The following MSI2 variants were observed in gnomAD, a reference collection of about 807,000 sequenced individuals.
MSI2 encodes the protein RNA-binding protein Musashi homolog 2.
In MSI2, 17 loss-of-function variants were observed where a neutral mutation model predicts 45.6. That is an observed-to-expected ratio of 0.37 (90% CI 0.26 to 0.56). The LOEUF (loss-of-function observed/expected upper bound fraction) is 0.56, where lower values mean the gene tolerates loss of function less well. Ranked by LOEUF, MSI2 falls within the 20% of genes least tolerant of loss-of-function variation. The pLI is 0.77. For missense variants in MSI2, 293 were observed against 444.2 expected (o/e 0.66, Z 3.06); for synonymous variants, 156 against 158.2 (o/e 0.99, Z 0.11).
intron 7 of MSI2, among the ~76,000 whole-genome samples, chr17:57,533,067 G>A (rs2086853434): frequency 6.6e-6 from 1 of 152,234 alleles, no homozygotes; most frequent in Admixed American, 6.5e-5. Context: ...TCCACTTGCT[G>A]TTAGGAGCCA....
chr17:57,408,839 C>T (rs974284040), intron 6 of MSI2, among the ~76,000 whole-genome samples: 4 of 152,182 alleles, frequency 2.6e-5, no homozygotes, highest in Non-Finnish European at 4.4e-5. Flanking sequence ...GCATTGAAAT[C>T]GAACTCTGTT....
chr17:57,691,741 T>C, the MSI2 span, among the ~76,000 whole-genome samples: 1 of 152,216 alleles, frequency 6.6e-6, no homozygotes, highest in African/African-American at 2.4e-5. Flanking sequence ...TTTTTATAGA[T>C]TCATTGGGAC....
chr17:57,555,299 C>T (rs2087406959), intron 7 of MSI2, among the ~76,000 whole-genome samples: 1 of 152,246 alleles, frequency 6.6e-6, no homozygotes, highest in South Asian at 2.1e-4. Context: ...AGCAGCAACT[C>T]TCCGGGGACT....
intron 6 of MSI2, among the ~76,000 whole-genome samples, chr17:57,416,160 G>C (rs1292866250): frequency 6.6e-6 from 1 of 152,146 alleles, no homozygotes; most frequent in African/African-American, 2.4e-5. Context: ...CTTAATGGTG[G>C]TGTCCCCAAG....
At chr17:57,572,385 T>A (rs779081885) in intron 7 of MSI2, among the ~76,000 whole-genome samples, 1 of 152,194 alleles carries the variant, frequency 6.6e-6, no homozygotes, top group Non-Finnish European at 1.5e-5. Context: ...ATTAGAGGAA[T>A]TTGCAGAGCC....
chr17:57,440,086 TGTG>T (rs1018351624), intron 6 of MSI2, among the ~76,000 whole-genome samples: 55 of 152,104 alleles, frequency 3.6e-4, no homozygotes, highest in African/African-American at 1.3e-3. Flanking sequence ...ACCAGTCACT[TGTG>T]GTGTTTTGAC....
At chr17:57,423,508 G>A (rs541245298) in intron 6 of MSI2, among the ~76,000 whole-genome samples, 9 of 152,236 alleles carry the variant, frequency 5.9e-5, no homozygotes, top group Admixed American at 1.3e-4. Context: ...GTTGGCCAGC[G>A]CCTGCTCATG....
intron 7 of MSI2, among the ~76,000 whole-genome samples, chr17:57,534,317 G>A (rs1286397093): frequency 6.6e-6 from 1 of 152,226 alleles, no homozygotes; most frequent in African/African-American, 2.4e-5. Context: ...CTTGCTGGAT[G>A]ACCGTGCTCC....
At position 57,643,203 on chromosome 17, in the gene MSI2, G is replaced by A. The variant is rs561595813; in HGVS notation, c.728-8896G>A. 3.5e-3 allele frequency among the ~76,000 whole-genome samples: 537 copies of A among 152,278 alleles called. 4 individuals carry two copies. The highest frequency in any genetic ancestry group is 2.7e-3 in the Non-Finnish European group (184 of 68,024). ...AAGAGGGGAGGCAGGAGGAATTTCC[G>A]TGGAATTCAGCTGTGGGCCTGGAGC... On this transcript the variant is annotated intron_variant, in intron 10 of 13. Transcript: ENST00000284073.
intron 6 of MSI2, among the ~76,000 whole-genome samples, chr17:57,501,353 T>A (rs1024483753): frequency 2.0e-5 from 3 of 152,242 alleles, no homozygotes; most frequent in Non-Finnish European, 2.9e-5. Flanking sequence ...TTTGTGTGTT[T>A]ACTGCCTCAC....
intron 7 of MSI2, among the ~76,000 whole-genome samples, chr17:57,595,437 A>G (rs1420474485): frequency 6.6e-6 from 1 of 151,966 alleles, no homozygotes; most frequent in Non-Finnish European, 1.5e-5. Context: ...ATAATGAAGT[A>G]CCATGGTCTA....
In MSI2 at chr17:57,450,290, A is replaced by AGAAAGAAAGAAAGAAG; in HGVS notation, c.405+48834_405+48835insGGAAAGAAAGAAAGAA. 18 of 65,676 alleles carry AGAAAGAAAGAAAGAAG rather than the reference A, an allele frequency of 2.7e-4. 1 individual carries two copies. In the Admixed American group the frequency reaches 4.3e-3, roughly 16 times the overall value. 4.1% of individuals were successfully genotyped at this position (65,676 alleles called of 1,614,324 possible). ...AAGAAAGAAAGAAAGAAAGAAAGAA[A>AGAAAGAAAGAAAGAAG]GAAAGAAAGAAAGAAAGAAAGAAAG... On this transcript the variant is annotated intron_variant, in intron 6 of 13. Transcript: ENST00000284073.
rs148082240 is a variant in MSI2, at chr17:57,510,521, G to A, written c.406-19155G>A. On this transcript the variant is annotated intron_variant, in intron 6 of 13. Coordinates refer to ENST00000284073, the MANE Select transcript of MSI2 (RefSeq NM_138962.4). Reference sequence around the variant, plus strand: ...CGGCTCACTGCAACCTCCGCCTCCCGGGTTCAAGTGATTCTCCTGCCTCAG... The same window carrying A: ...CGGCTCACTGCAACCTCCGCCTCCCAGGTTCAAGTGATTCTCCTGCCTCAG... Among the ~76,000 whole-genome samples, 945 of 151,908 alleles carry A rather than the reference G, an allele frequency of 6.2e-3. 22 individuals are homozygous for A. The highest frequency in any genetic ancestry group is 0.021 in the African/African-American group (869 of 41,332).
intron 10 of MSI2, among the ~76,000 whole-genome samples, chr17:57,637,941 C>A (rs1310008658): frequency 1.3e-5 from 2 of 152,230 alleles, no homozygotes; most frequent in African/African-American, 2.4e-5. Flanking sequence ...GTACCACCAG[C>A]CTTGCAAAGT....
intron 6 of MSI2, among the ~76,000 whole-genome samples, chr17:57,471,330 G>A (rs1224127607): frequency 1.5e-5 from 2 of 132,418 alleles, no homozygotes; most frequent in Non-Finnish European, 3.1e-5. Flanking sequence ...TTGGTCTGTC[G>A]CCCAGGCTGG....
chr17:57,567,591 C>A (rs776806799), intron 7 of MSI2, among the ~76,000 whole-genome samples: 3 of 152,210 alleles, frequency 2.0e-5, no homozygotes, highest in Admixed American at 6.5e-5. Flanking sequence ...AGTTAACCGG[C>A]GACTGCCAGT....
intron 5 of MSI2, among the ~76,000 whole-genome samples, chr17:57,345,501 A>G (rs1158242175): frequency 6.6e-6 from 1 of 152,162 alleles, no homozygotes; most frequent in Non-Finnish European, 1.5e-5. Context: ...GTAGTGTAGC[A>G]TATACTCTTT....
At chr17:57,412,285 A>C (rs2084212340) in intron 6 of MSI2, among the ~76,000 whole-genome samples, 1 of 152,006 alleles carries the variant, frequency 6.6e-6, no homozygotes, top group African/African-American at 2.4e-5. Flanking sequence ...TGATCTGCCT[A>C]CCTCAGCCTC....
intron 6 of MSI2, among the ~76,000 whole-genome samples, chr17:57,428,456 G>A (rs1418672599): frequency 6.6e-6 from 1 of 152,116 alleles, no homozygotes; most frequent in African/African-American, 2.4e-5. Flanking sequence ...CCATGCTGGA[G>A]TGTAGTGGCC....
Sources: gnomAD v4.1 joint callset for allele counts (sites outside exome capture counted in the v4.1 genomes callset) on GRCh38, gnomAD v4.1.1 for gene constraint, MANE v1.5 for transcripts, NCBI Gene and HGNC (gene_info 2026-07-23, HGNC 2026-07-21) for gene names.